The following KPNA1 variants were observed in gnomAD, a reference collection of about 807,000 sequenced individuals.
KPNA1 encodes the protein karyopherin subunit alpha 1, also known as importin subunit alpha-5.
Under a neutral mutation model 70.5 loss-of-function variants are expected in KPNA1, and 10 were observed. The ratio of observed to expected loss-of-function variants is 0.14; its 90% CI spans 0.09 to 0.24. The LOEUF is 0.24. Among genes scored for constraint, KPNA1 ranks in the 10% least tolerant of loss-of-function variants. KPNA1 has a pLI of 1.00. For missense variants in KPNA1, 397 were observed against 637.9 expected (o/e 0.62, Z 4.07); for synonymous variants, 192 against 221.9 (o/e 0.87, Z 1.20).
intron 8 of KPNA1, among the ~76,000 whole-genome samples, chr3:122,451,014 G>A (rs1262943602): frequency 1.3e-5 from 2 of 152,182 alleles, no homozygotes; most frequent in African/African-American, 4.8e-5. Context: ...GGAGGTGGGT[G>A]AGAGATAAAG....
chr3:122,459,633 T>G (rs1347315512), intron 5 of KPNA1: 1 of 985,348 alleles, frequency 1.0e-6, no homozygotes, highest in African/African-American at 1.7e-5. Context: ...TTCAGGTGTC[T>G]GATGATCCTG....
In KPNA1 at chr3:122,424,174, AAG is replaced by A. The variant is rs2075791722; in HGVS notation, c.*2809_*2810del. The A allele has an allele frequency of 6.6e-6, 1 of 152,226 alleles. No homozygotes were observed. Among genetic ancestry groups the A allele is most frequent in the African/African-American group, 2.4e-5 (1 of 41,472 alleles). 9.4% of individuals were successfully genotyped at this position (152,226 alleles called of 1,614,324 possible). A position where few individuals can be genotyped will look rare whatever the true frequency, so the allele number is the denominator to read the frequency against. ...AGTTTGGAGGATGGAGGGGAATAAA[AAG>A]GAAAAGTAAAACAAAGTCACTTTCC... On this transcript the variant is annotated 3_prime_UTR_variant, in exon 14 of 14. Transcript: ENST00000344337.
At chr3:122,499,889 T>G (rs919854828) in intron 1 of KPNA1, among the ~76,000 whole-genome samples, 3 of 152,216 alleles carry the variant, frequency 2.0e-5, no homozygotes, top group African/African-American at 7.2e-5. Flanking sequence ...TGTCAAGAAT[T>G]ATATTATTTC....
chr3:122,481,154 G>A (rs1348138053), intron 2 of KPNA1, among the ~76,000 whole-genome samples: 3 of 152,170 alleles, frequency 2.0e-5, no homozygotes, highest in Non-Finnish European at 4.4e-5. Flanking sequence ...TCAGTATACT[G>A]TACTAAGTGC....
intron 2 of KPNA1, among the ~76,000 whole-genome samples, chr3:122,489,089 G>A (rs1315854335): frequency 3.9e-5 from 4 of 101,710 alleles, no homozygotes; most frequent in East Asian, 7.2e-4. Flanking sequence ...TGTGTGTCAG[G>A]GCAGGGCGGG....
At chr3:122,506,602 A>G (rs2076893221) in intron 1 of KPNA1, among the ~76,000 whole-genome samples, 2 of 152,208 alleles carry the variant, frequency 1.3e-5, no homozygotes, top group Admixed American at 1.3e-4. Context: ...CCCTTCAATA[A>G]AGCTTTTCCT....
intron 3 of KPNA1, 104 bp downstream of exon 3, chr3:122,467,218 T>C (rs1272796625): frequency 1.9e-6 from 1 of 530,376 alleles, no homozygotes; most frequent in African/African-American, 1.9e-5. Context: ...AAAAATGAAA[T>C]GCCAAGTACT....
At chr3:122,436,051 C>A (rs573780510) in intron 11 of KPNA1, among the ~76,000 whole-genome samples, 2 of 152,238 alleles carry the variant, frequency 1.3e-5, no homozygotes, top group Non-Finnish European at 2.9e-5. Context: ...TTTTTCTCAG[C>A]AAGGAACAGT....
At chr3:122,435,067 G>T (rs1009077634) in intron 11 of KPNA1, among the ~76,000 whole-genome samples, 1 of 152,114 alleles carries the variant, frequency 6.6e-6, no homozygotes, top group Non-Finnish European at 1.5e-5. Flanking sequence ...TACTAGAGGT[G>T]CTCTTGAGCA....
chr3:122,500,554 G>T (rs1472529669), intron 1 of KPNA1, among the ~76,000 whole-genome samples: 2 of 151,842 alleles, frequency 1.3e-5, no homozygotes, highest in East Asian at 3.9e-4. Context: ...GGAGAGTACA[G>T]TGGCACAATC....
intron 2 of KPNA1, among the ~76,000 whole-genome samples, chr3:122,495,501 A>G (rs1009267010): frequency 6.6e-6 from 1 of 152,134 alleles, no homozygotes; most frequent in African/African-American, 2.4e-5. Flanking sequence ...ATACAACTCT[A>G]ACAAATAAAA....
intron 1 of KPNA1, among the ~76,000 whole-genome samples, chr3:122,504,963 T>C (rs921919917): frequency 6.6e-6 from 1 of 152,070 alleles, no homozygotes; most frequent in Non-Finnish European, 1.5e-5. Flanking sequence ...GTCTAATTAA[T>C]GTGTCTGAAG....
At chr3:122,438,165 C>G (rs1161672265) in intron 10 of KPNA1, among the ~76,000 whole-genome samples, 1 of 152,092 alleles carries the variant, frequency 6.6e-6, no homozygotes, top group Non-Finnish European at 1.5e-5. Flanking sequence ...CAGCGCCATC[C>G]CCATGGTTCT....
At chr3:122,430,534 GTGTGTGTGTGGTTTCTCAAATAAAC>G (rs1330717977) in intron 12 of KPNA1, among the ~76,000 whole-genome samples, 1 of 141,472 alleles carries the variant, frequency 7.1e-6, no homozygotes, top group African/African-American at 2.5e-5. Flanking sequence ...GTGTGTGTGT[GTGTGTGTGTGGTTTCTCAAATAAAC>G]TGTGTGTGTG....
intron 2 of KPNA1, among the ~76,000 whole-genome samples, chr3:122,493,354 G>GAAA (rs77958342): frequency 7.5e-6 from 1 of 134,054 alleles, no homozygotes; most frequent in Admixed American, 7.4e-5. Context: ...AAAGGGACAA[G>GAAA]AAAAAAAAAA....
chr3:122,441,734 G>T (rs1457330722), intron 10 of KPNA1, among the ~76,000 whole-genome samples: 1 of 152,026 alleles, frequency 6.6e-6, no homozygotes, highest in Non-Finnish European at 1.5e-5. Flanking sequence ...CAAGTAGCTG[G>T]AACTACAGGC....
chr3:122,463,447 G>C (rs890592220), intron 4 of KPNA1, among the ~76,000 whole-genome samples: 31 of 151,574 alleles, frequency 2.0e-4, no homozygotes, highest in Non-Finnish European at 1.0e-4. Context: ...CTTGAACCAG[G>C]GAGTCGGAGG....
intron 1 of KPNA1, among the ~76,000 whole-genome samples, chr3:122,501,714 G>A (rs189049401): frequency 1.7e-3 from 257 of 152,278 alleles, no homozygotes; most frequent in Middle Eastern, 0.014. Flanking sequence ...CTGCTGGCTG[G>A]TAGTGTGGTC....
chr3:122,473,188 C>G (rs1355183780), intron 2 of KPNA1, among the ~76,000 whole-genome samples: 1 of 152,174 alleles, frequency 6.6e-6, no homozygotes, highest in African/African-American at 2.4e-5. Context: ...CCAAAACTCA[C>G]ACAAGAAACA....
Sources: allele counts gnomAD v4.1 joint callset (sites outside exome capture counted in the v4.1 genomes callset), GRCh38; gene constraint gnomAD v4.1.1; transcripts MANE v1.5; gene names NCBI Gene and HGNC (gene_info 2026-07-23, HGNC 2026-07-21).